Variants in DMXL2 observed in about 807,000 individuals in gnomAD.
DMXL2 encodes the protein Dmx like 2, also known as dmX-like protein 2.
A neutral mutation model predicts 331.1 loss-of-function variants in DMXL2; 103 were observed. The ratio of observed to expected loss-of-function variants is 0.31; its 90% confidence interval spans 0.27 to 0.37. DMXL2 has a LOEUF of 0.37. Among genes scored for constraint, DMXL2 ranks in the 10% least tolerant of loss-of-function variants. The probability of loss-of-function intolerance (pLI) is 1.00; values close to 1 mark genes in which losing one functional copy is unlikely to be tolerated. For synonymous variants in DMXL2, 1,281 were observed against 1,252.1 expected (o/e 1.02, Z -0.49); for missense variants, 3,171 against 3,642.9 (o/e 0.87, Z 3.33).
At position 51,448,009 on chromosome 15, in the gene DMXL2, C is replaced by T. The variant is rs1009314393; in HGVS notation, c.*975G>A. 2 of 152,566 alleles carry T rather than the reference C, an allele frequency of 1.3e-5. No homozygotes were observed. The highest frequency in any genetic ancestry group is 2.4e-5 in the African/African-American group (1 of 41,418). 9.5% of individuals were successfully genotyped at this position (152,566 alleles called of 1,614,324 possible). On this transcript the variant is annotated 3_prime_UTR_variant, in exon 44 of 44. Coordinates refer to ENST00000560891, the MANE Select transcript of DMXL2 (RefSeq NM_001378457.1). ...ATTTTTGGTCATAACCAAGGAAATA[C>T]ATCAAAATAATGACAACATTGGCTA...
At chr15:51,498,264 C>A (rs2043326170) in intron 18 of DMXL2, among the ~76,000 whole-genome samples, 1 of 151,856 alleles carries the variant, frequency 6.6e-6, no homozygotes, top group African/African-American at 2.4e-5. Flanking sequence ...AAAACCCACC[C>A]AAACACACAC....
chr15:51,529,794 A>C (rs188240885), intron 13 of DMXL2, among the ~76,000 whole-genome samples: 98 of 152,280 alleles, frequency 6.4e-4, no homozygotes, highest in Admixed American at 5.8e-3. Context: ...CCAAACAAAG[A>C]CACATCAAAA....
rs556098533 is a variant in DMXL2, at chr15:51,580,697, T to C, written c.88-4516A>G. ...CCTTCCATTCATGTGGGAGGATTTG[T>C]TTTATAAAAGGACTAAACTGTTTCT... is the stretch of plus-strand genomic sequence containing the variant. On this transcript the variant is annotated intron_variant, in intron 1 of 43. Coordinates refer to ENST00000560891, the MANE Select transcript of DMXL2 (RefSeq NM_001378457.1). Among the ~76,000 whole-genome samples the C allele has an allele frequency of 2.5e-4, 38 of 152,234 alleles. No individual in the cohort carries two copies. In the East Asian group the frequency reaches 3.5e-3, roughly 14 times the overall value.
chr15:51,512,708 C>A (rs1028011659), intron 15 of DMXL2, among the ~76,000 whole-genome samples: 1 of 151,392 alleles, frequency 6.6e-6, no homozygotes, highest in African/African-American at 2.4e-5. Context: ...CCCAGCTACT[C>A]GGGAGGCTGA....
At chr15:51,607,614 G>T (rs770380262) in intron 1 of DMXL2, among the ~76,000 whole-genome samples, 3 of 152,104 alleles carry the variant, frequency 2.0e-5, no homozygotes, top group Non-Finnish European at 4.4e-5. Context: ...AATAAATGAT[G>T]AAAGATATTA....
chr15:51,588,538 T>A (rs1472686596), intron 1 of DMXL2, among the ~76,000 whole-genome samples: 1 of 152,214 alleles, frequency 6.6e-6, no homozygotes, highest in African/African-American at 2.4e-5. Context: ...TAAAGTTAAT[T>A]GTATATTATG....
chr15:51,501,020 A>G (rs2043554258), intron 17 of DMXL2, among the ~76,000 whole-genome samples: 1 of 152,226 alleles, frequency 6.6e-6, no homozygotes, highest in African/African-American at 2.4e-5. Context: ...CTATTGTCAA[A>G]TAAGACATTT....
At position 51,471,459 on chromosome 15, in the gene DMXL2, A is replaced by G. The variant is rs878870148; in HGVS notation, c.7214-58T>C. 7 of 1,469,088 alleles carry G rather than the reference A, an allele frequency of 4.8e-6. No homozygotes were observed. The South Asian group carries it at 9.3e-5, about 19-fold the overall frequency. 91.0% of individuals were successfully genotyped at this position (1,469,088 alleles called of 1,614,324 possible). A position where few individuals can be genotyped will look rare whatever the true frequency, so the allele number is the denominator to read the frequency against. ...CATTCATTTTCCATTGTTAATTGAT[A>G]GAGTTAAGCTTTCTTTTTATCCTAC... On this transcript the variant is annotated intron_variant, in intron 28 of 43. Coordinates refer to ENST00000560891, the MANE Select transcript of DMXL2 (RefSeq NM_001378457.1).
intron 2 of DMXL2, among the ~76,000 whole-genome samples, chr15:51,573,085 T>C (rs1430538507): frequency 1.3e-5 from 2 of 151,602 alleles, no homozygotes; most frequent in African/African-American, 4.8e-5. Context: ...AACAAACATA[T>C]GAAAAAAAAT....
chr15:51,471,977 A>C, intron 28 of DMXL2, among the ~76,000 whole-genome samples: 1 of 152,144 alleles, frequency 6.6e-6, no homozygotes, highest in Non-Finnish European at 1.5e-5. Flanking sequence ...TCTCACTAAC[A>C]CCTCTTAAGT....
At chr15:51,493,901 TTTTTA>T (rs962189630) in intron 19 of DMXL2, among the ~76,000 whole-genome samples, 23 of 152,282 alleles carry the variant, frequency 1.5e-4, no homozygotes, top group Admixed American at 4.6e-4. Context: ...TCAAACTTCT[TTTTTA>T]TTTTATATTT....
chr15:51,494,234 T>G (rs1464473978), intron 19 of DMXL2, among the ~76,000 whole-genome samples: 6 of 152,180 alleles, frequency 3.9e-5, no homozygotes, highest in African/African-American at 1.4e-4. Context: ...GAATCTCAGA[T>G]AGCTATTTAT....
chr15:51,589,546 T>C (rs142581268), intron 1 of DMXL2, among the ~76,000 whole-genome samples: 5 of 152,104 alleles, frequency 3.3e-5, no homozygotes, highest in Admixed American at 3.3e-4. Context: ...GCCATGAAAT[T>C]AGGGTAAGGA....
At chr15:51,542,306 T>C in intron 9 of DMXL2, 27 bp downstream of exon 9, 1 of 1,596,124 alleles carries the variant, frequency 6.3e-7, no homozygotes, top group Non-Finnish European at 8.6e-7. Context: ...TCAACATATT[T>C]ATGGGAAATA....
intron 6 of DMXL2, among the ~76,000 whole-genome samples, chr15:51,555,998 C>T (rs1044760598): frequency 3.3e-5 from 5 of 152,056 alleles, no homozygotes; most frequent in African/African-American, 9.7e-5. Context: ...ATTATGAAAA[C>T]GGGAAAATTA....
intron 1 of DMXL2, among the ~76,000 whole-genome samples, chr15:51,576,544 C>T (rs2414106): frequency 0.47 from 71,999 of 151,918 alleles, 17,462 homozygotes; most frequent in Non-Finnish European, 0.52. Context: ...TACTAAGCCA[C>T]TGAAGACTGT....
chr15:51,594,503 C>G (rs561332468), intron 1 of DMXL2, among the ~76,000 whole-genome samples: 1 of 152,304 alleles, frequency 6.6e-6, no homozygotes, highest in East Asian at 1.9e-4. Context: ...GAGCTGGTAC[C>G]ATTCCTCCTG....
At chr15:51,489,515 G>T (rs1320761584) in intron 20 of DMXL2, among the ~76,000 whole-genome samples, 1 of 152,100 alleles carries the variant, frequency 6.6e-6, no homozygotes, top group Admixed American at 6.5e-5. Context: ...AAATTAGCCA[G>T]GCATGGTGGC....
At chr15:51,588,508 C>T (rs959808939) in intron 1 of DMXL2, among the ~76,000 whole-genome samples, 1 of 152,076 alleles carries the variant, frequency 6.6e-6, no homozygotes, top group Non-Finnish European at 1.5e-5. Context: ...GTTCTTAATA[C>T]ATTTTACATT....
Sources: gnomAD v4.1 joint callset for allele counts (sites outside exome capture counted in the v4.1 genomes callset) on GRCh38, gnomAD v4.1.1 for gene constraint, MANE v1.5 for transcripts, NCBI Gene and HGNC (gene_info 2026-07-23, HGNC 2026-07-21) for gene names.